Variants in MYO16 observed in about 807,000 individuals in gnomAD.
MYO16 encodes the protein unconventional myosin-XVI.
Under a neutral mutation model 205.3 loss-of-function variants are expected in MYO16, and 94 were observed. The ratio of observed to expected loss-of-function variants is 0.46; its 90% CI spans 0.39 to 0.54. The LOEUF is 0.54. Among genes scored for constraint, MYO16 ranks in the 20% least tolerant of loss-of-function variants. The pLI is 0.00. For missense variants in MYO16, 2,315 were observed against 2,387.5 expected, an observed-to-expected ratio of 0.97 and a Z score of 0.63; for synonymous variants, 988 against 954.0, an observed-to-expected ratio of 1.04 and a Z score of -0.66.
chr13:108,968,431 G>A (rs186001134), intron 20 of MYO16, among the ~76,000 whole-genome samples: 389 of 152,170 alleles, frequency 2.6e-3, no homozygotes, highest in Middle Eastern at 6.8e-3. Context: ...ACAACATGGC[G>A]AAACCCCATC....
intron 1 of MYO16, 107 bp from the exon 2 acceptor site, chr13:108,665,779 C>A: frequency 8.6e-7 from 1 of 1,160,156 alleles, no homozygotes. Flanking sequence ...AGAATTGTTG[C>A]ATTTATGACC....
intron 27 of MYO16, among the ~76,000 whole-genome samples, chr13:109,088,389 A>G (rs982080520): frequency 6.6e-6 from 1 of 152,214 alleles, no homozygotes; most frequent in African/African-American, 2.4e-5. Flanking sequence ...AATAAATACA[A>G]TGTTGTTATA....
intron 11 of MYO16, among the ~76,000 whole-genome samples, chr13:108,858,920 G>A (rs527315747): frequency 2.0e-5 from 3 of 152,240 alleles, no homozygotes; most frequent in East Asian, 1.9e-4. Flanking sequence ...TGTCTCATGA[G>A]TATGGGCAGC....
chr13:109,156,219 C>T (rs1030406669), intron 32 of MYO16, among the ~76,000 whole-genome samples: 1 of 152,170 alleles, frequency 6.6e-6, no homozygotes, highest in Non-Finnish European at 1.5e-5. Context: ...AATTTAATTA[C>T]GCACCATCTA....
At chr13:109,076,994 CTTT>C (rs1555329682) in intron 27 of MYO16, among the ~76,000 whole-genome samples, 1 of 103,444 alleles carries the variant, frequency 9.7e-6, no homozygotes, top group Non-Finnish European at 2.2e-5. Context: ...TTTGTTTACA[CTTT>C]TTTTTTTTTT....
At chr13:108,923,967 C>T (rs1392148874) in intron 16 of MYO16, among the ~76,000 whole-genome samples, 5 of 152,116 alleles carry the variant, frequency 3.3e-5, no homozygotes, top group African/African-American at 9.7e-5. Context: ...TAACTTTTTC[C>T]GTTTTGACAT....
chr13:109,123,252 G>A (rs1214489993), intron 29 of MYO16, among the ~76,000 whole-genome samples: 7 of 152,224 alleles, frequency 4.6e-5, no homozygotes, highest in African/African-American at 1.7e-4. Context: ...CTATTGGGAT[G>A]AAGTGTGAGA....
At chr13:108,864,647 G>GTAGGATC (rs1878615916) in intron 11 of MYO16, among the ~76,000 whole-genome samples, 1 of 151,826 alleles carries the variant, frequency 6.6e-6, no homozygotes, top group Non-Finnish European at 1.5e-5. Context: ...TCCTGCCTCA[G>GTAGGATC]CTTCCTGAGT....
At chr13:109,137,124 T>A (rs1409157246) in intron 31 of MYO16, among the ~76,000 whole-genome samples, 1 of 152,086 alleles carries the variant, frequency 6.6e-6, no homozygotes, top group Non-Finnish European at 1.5e-5. Context: ...GTCCTCTGGC[T>A]CTCCCTCACC....
the MYO16 span, among the ~76,000 whole-genome samples, chr13:108,523,856 T>A: frequency 6.6e-6 from 1 of 150,660 alleles, no homozygotes; most frequent in Admixed American, 6.6e-5. Flanking sequence ...AAATCTCACA[T>A]TGAATTGTAA....
intron 32 of MYO16, among the ~76,000 whole-genome samples, chr13:109,163,127 C>T (rs529126696): frequency 6.6e-6 from 1 of 151,198 alleles, no homozygotes; most frequent in African/African-American, 2.4e-5. Context: ...ATCTATCCAG[C>T]GTTTCCTGCT....
chr13:108,982,061 C>T (rs1355504555), intron 20 of MYO16, among the ~76,000 whole-genome samples: 3 of 152,150 alleles, frequency 2.0e-5, no homozygotes, highest in Non-Finnish European at 1.5e-5. Context: ...TTGTAAAATA[C>T]TTAGTAGCCA....
chr13:108,849,925 G>A (rs113158615), intron 10 of MYO16, among the ~76,000 whole-genome samples: 4 of 129,734 alleles, frequency 3.1e-5, no homozygotes, highest in Admixed American at 1.6e-4. Context: ...GGTTATTTGC[G>A]CCTAGACTGC....
chr13:108,612,880 G>A (rs1879225609), intron 1 of MYO16, among the ~76,000 whole-genome samples: 1 of 152,112 alleles, frequency 6.6e-6, no homozygotes, highest in South Asian at 2.1e-4. Context: ...CAAGAACTAG[G>A]TCTTGAAATT....
At chr13:108,747,752 T>C (rs998683700) in intron 4 of MYO16, among the ~76,000 whole-genome samples, 1 of 152,134 alleles carries the variant, frequency 6.6e-6, no homozygotes, top group Non-Finnish European at 1.5e-5. Context: ...TACTGATACA[T>C]ATATATGATC....
intron 16 of MYO16, among the ~76,000 whole-genome samples, chr13:108,931,935 A>G (rs1379170039): frequency 6.6e-6 from 1 of 151,788 alleles, no homozygotes; most frequent in Non-Finnish European, 1.5e-5. Flanking sequence ...CTTTCTTTTG[A>G]GATTCCTTTT....
In MYO16 at chr13:108,857,096, TTTTG is replaced by T. The variant is rs1275225793; in HGVS notation, c.1359+1555_1359+1558del. ...ATCAAGGACTTTCCTTAGACTGTTTTTTTGTTTGTTTGTTTCTCCTAGAGTTATC... is the reference window on the plus strand; with the variant it reads ...ATCAAGGACTTTCCTTAGACTGTTTTTTTGTTTGTTTCTCCTAGAGTTATC... On this transcript the variant is annotated intron_variant, in intron 11 of 34. Transcript: ENST00000457511. Among the ~76,000 whole-genome samples, 2 of 152,190 alleles carry T rather than the reference TTTTG, an allele frequency of 1.3e-5. 1 individual carries two copies. Among genetic ancestry groups the T allele is most frequent in the South Asian group, 4.1e-4 (2 of 4,826 alleles).
At chr13:108,609,413 A>G (rs1196970094) in intron 1 of MYO16, among the ~76,000 whole-genome samples, 2 of 152,224 alleles carry the variant, frequency 1.3e-5, no homozygotes, top group Non-Finnish European at 2.9e-5. Context: ...GGCAGGGCCC[A>G]GGTCTGTTCT....
intron 4 of MYO16, among the ~76,000 whole-genome samples, chr13:108,735,547 G>A (rs1485554491): frequency 2.7e-5 from 4 of 146,292 alleles, no homozygotes; most frequent in African/African-American, 4.9e-5. Context: ...TATCATTGAT[G>A]GACATTTGGG....
Sources: gnomAD v4.1 joint callset for allele counts (sites outside exome capture counted in the v4.1 genomes callset) on GRCh38, gnomAD v4.1.1 for gene constraint, MANE v1.5 for transcripts, NCBI Gene and HGNC (gene_info 2026-07-23, HGNC 2026-07-21) for gene names.